The following DENND2A variants were observed in gnomAD, a reference collection of about 807,000 sequenced individuals.
DENND2A encodes the protein DENN domain containing 2A, also known as DENN domain-containing protein 2A.
A neutral mutation model predicts 105.3 loss-of-function variants in DENND2A; 53 were observed. The ratio of observed to expected loss-of-function variants is 0.50; its 90% CI spans 0.40 to 0.63. The LOEUF is 0.63. Among genes scored for constraint, DENND2A ranks in the 30% least tolerant of loss-of-function variants. The pLI is 0.00. For missense variants in DENND2A, 1,138 were observed against 1,279.6 expected, an observed-to-expected ratio of 0.89 and a Z score of 1.69; for synonymous variants, 522 against 508.4, an observed-to-expected ratio of 1.03 and a Z score of -0.36.
At chr7:140,622,208 G>A (rs1219183437) in intron 1 of DENND2A, among the ~76,000 whole-genome samples, 1 of 151,912 alleles carries the variant, frequency 6.6e-6, no homozygotes, top group Non-Finnish European at 1.5e-5. Context: ...GACCAGCCTG[G>A]CCAACATGGT....
chr7:140,566,684 ATTT>A (rs3043058), intron 9 of DENND2A, among the ~76,000 whole-genome samples: 13 of 113,210 alleles, frequency 1.1e-4, no homozygotes, highest in Admixed American at 3.1e-4. Flanking sequence ...TGGCCATACT[ATTT>A]TTTTTTTTTT....
rs922164726 is a variant in DENND2A, at chr7:140,609,006, G to T, written c.-247-3200C>A. On this transcript the variant is annotated intron_variant, in intron 1 of 19. Transcript: ENST00000496613. ...GTCCTGGCATGGGCATCTCTTGCTCGCAAGAAATCAAAGGGCTGGGCTTCA... is the reference window on the plus strand; with the variant it reads ...GTCCTGGCATGGGCATCTCTTGCTCTCAAGAAATCAAAGGGCTGGGCTTCA... Among the ~76,000 whole-genome samples, 4 of 152,118 alleles carry T rather than the reference G, an allele frequency of 2.6e-5. 1 individual carries two copies. Among genetic ancestry groups the T allele is most frequent in the Admixed American group, 2.6e-4 (4 of 15,258 alleles).
At chr7:140,572,232 C>G (rs543231956) in intron 6 of DENND2A, among the ~76,000 whole-genome samples, 2 of 151,680 alleles carry the variant, frequency 1.3e-5, no homozygotes, top group African/African-American at 4.8e-5. Context: ...GTCTTGAACT[C>G]CTGGGCTAAA....
intron 8 of DENND2A, 151 bp downstream of exon 8, chr7:140,568,612 C>A: frequency 1.4e-6 from 1 of 730,204 alleles, no homozygotes; most frequent in Non-Finnish European, 2.3e-6. Context: ...GGCTCTGGAG[C>A]ACCCTGTGGC....
At chr7:140,597,168 C>T (rs1026568790) in intron 3 of DENND2A, among the ~76,000 whole-genome samples, 16 of 152,088 alleles carry the variant, frequency 1.1e-4, no homozygotes, top group Non-Finnish European at 7.3e-5. Flanking sequence ...GAAAAATACG[C>T]TTTCTTAAAC....
At chr7:140,586,014 G>T (rs553077938) in intron 4 of DENND2A, among the ~76,000 whole-genome samples, 1 of 152,244 alleles carries the variant, frequency 6.6e-6, no homozygotes, top group South Asian at 2.1e-4. Context: ...CTAAGCCTAA[G>T]TGATATCACT....
At chr7:140,616,415 G>T (rs946113283) in intron 1 of DENND2A, among the ~76,000 whole-genome samples, 12 of 152,112 alleles carry the variant, frequency 7.9e-5, no homozygotes, top group African/African-American at 2.9e-4. Context: ...TAGATTAGTG[G>T]TTGCCAGAGG....
At chr7:140,581,440 C>G (rs771488725) in intron 5 of DENND2A, among the ~76,000 whole-genome samples, 8 of 152,140 alleles carry the variant, frequency 5.3e-5, no homozygotes, top group African/African-American at 1.7e-4. Context: ...TCTAGTGACC[C>G]GAATAACTAG....
chr7:140,612,039 G>C (rs556893700), intron 1 of DENND2A, among the ~76,000 whole-genome samples: 1 of 152,022 alleles, frequency 6.6e-6, no homozygotes, highest in Non-Finnish European at 1.5e-5. Context: ...TCTGGAGTTC[G>C]AGACCAGCCT....
chr7:140,586,366 A>AACACACACACAC (rs10524571), intron 4 of DENND2A, among the ~76,000 whole-genome samples: 62 of 139,626 alleles, frequency 4.4e-4, no homozygotes, highest in Middle Eastern at 3.5e-3. Context: ...TAAAAAAGAA[A>AACACACACACAC]ACACACACAC....
Position 140,567,095 on chromosome 7 carries a change from G to A in DENND2A, c.1770C>T (p.Phe590=), listed in dbSNP as rs752660581. 1 of 1,590,838 alleles carries A rather than the reference G, an allele frequency of 6.3e-7. No individual in the cohort carries two copies. Among genetic ancestry groups the A allele is most frequent in the Non-Finnish European group, 8.6e-7 (1 of 1,167,904 alleles). Reference sequence around the variant, plus strand: ...CTGGCCACCCTGTTACCTTCAGAGGGAACTGTTGGGTGAGTTCTGGCACGT... The same window carrying A: ...CTGGCCACCCTGTTACCTTCAGAGGAAACTGTTGGGTGAGTTCTGGCACGT... ...AAYVPELTQQ[F]PLKLERSFKF... is the part of the protein sequence containing the mutation. Residue 590 remains phenylalanine, a synonymous_variant, in exon 9 of 20, where the codon TTC becomes TTT. Coordinates refer to ENST00000496613, the MANE Select transcript of DENND2A (RefSeq NM_015689.5).
intron 1 of DENND2A, among the ~76,000 whole-genome samples, chr7:140,632,374 A>G (rs1465280786): frequency 1.1e-4 from 17 of 152,112 alleles, no homozygotes; most frequent in Admixed American, 3.3e-4. Flanking sequence ...GATGTGGATA[A>G]GAAAGGTGGT....
At chr7:140,544,547 G>C in intron 14 of DENND2A, 71 bp downstream of exon 14, 6 of 1,599,616 alleles carry the variant, frequency 3.8e-6, no homozygotes, top group Non-Finnish European at 5.1e-6. Context: ...GCGGTCACCT[G>C]CTCTACAGAC....
chr7:140,526,562 C>T lies in DENND2A; in HGVS notation c.2505+756G>A, dbSNP rs58690901. ...CACCTCTCCTTCCTTCCCACTCACA[C>T]CCTCCGGGGTTGAACTGAGCCACCT... On this transcript the variant is annotated intron_variant, in intron 15 of 19. Transcript: ENST00000496613. Among the ~76,000 whole-genome samples the T allele has an allele frequency of 9.7e-3, 1,477 of 152,324 alleles. 34 individuals are homozygous for T. The highest frequency in any genetic ancestry group is 0.033 in the African/African-American group (1,389 of 41,572).
chr7:140,596,601 C>T (rs269241), intron 3 of DENND2A, among the ~76,000 whole-genome samples: 70,359 of 152,044 alleles, frequency 0.46, 20,538 homozygotes, highest in African/African-American at 0.84. Flanking sequence ...TGAGGTTTCA[C>T]GTCCTCAAGA....
chr7:140,534,725 G>A (rs537422523), intron 14 of DENND2A, among the ~76,000 whole-genome samples: 1 of 152,292 alleles, frequency 6.6e-6, no homozygotes, highest in Admixed American at 6.5e-5. Context: ...GGAGGGGCTA[G>A]AGAAGAGGCA....
intron 4 of DENND2A, 142 bp from the exon 5 acceptor site, chr7:140,585,852 G>C (rs1798760373): frequency 8.6e-7 from 1 of 1,169,352 alleles, no homozygotes; most frequent in Non-Finnish European, 1.2e-6. Context: ...CGCCCCTCCT[G>C]TTGGCAGCAG....
rs1413491240 is a variant in DENND2A at position 140,525,727 on chromosome 7, G to C, written c.2547+24C>G. 3 of 1,599,182 alleles carry C rather than the reference G, an allele frequency of 1.9e-6. No individual in the cohort carries two copies. The African/African-American group carries it at 4.0e-5, about 21-fold the overall frequency. On this transcript the variant is annotated intron_variant, in intron 16 of 19. Transcript: ENST00000496613. ...AAATAGGTAAAGACAAAGGGAGCAG[G>C]AGGCCGTCGCTGGCCTCACTCACCT...
Position 140,601,416 on chromosome 7 carries a change from T to A in DENND2A, c.982A>T (p.Ser328Cys). 6.3e-7 allele frequency: 1 copy of A among 1,599,880 alleles called. No individual in the cohort carries two copies. The highest frequency in any genetic ancestry group is 1.1e-5 in the South Asian group (1 of 87,874). ...RRLWTGRQKS[S>C]ADHRKSYEFE... ...ACCGGCACCTACCTGTGGTCTGCACTGGATTTCTGTCTCCCGGTCCACAGT... is the reference window on the plus strand; with the variant it reads ...ACCGGCACCTACCTGTGGTCTGCACAGGATTTCTGTCTCCCGGTCCACAGT... The change falls in exon 3 of 20, where the codon AGT becomes TGT. Residue 328 changes from serine to cysteine, a missense_variant. Ser to Cys is a moderately radical substitution (Grantham distance 112, BLOSUM62 -1). Transcript: ENST00000496613.
Sources: allele counts gnomAD v4.1 joint callset (sites outside exome capture counted in the v4.1 genomes callset), GRCh38; gene constraint gnomAD v4.1.1; transcripts MANE v1.5; gene names NCBI Gene and HGNC (gene_info 2026-07-23, HGNC 2026-07-21).